C8orf34: variants seen among roughly 807,000 people sequenced by gnomAD.
C8orf34 encodes chromosome 8 open reading frame 34, also known as uncharacterized protein C8orf34.
In C8orf34, 65 loss-of-function variants were observed where a neutral mutation model predicts 68.3. The ratio of observed to expected loss-of-function variants is 0.95; its 90% confidence interval spans 0.78 to 1.17. The LOEUF is 1.17. Among genes scored for constraint, C8orf34 ranks in the 50% most tolerant of loss-of-function variants. The pLI, the probability that C8orf34 is intolerant of heterozygous loss-of-function variation, is 0.00. For missense variants in C8orf34, 664 were observed against 655.4 expected, an observed-to-expected ratio of 1.01 and a Z score of -0.14; for synonymous variants, 244 against 241.2, an observed-to-expected ratio of 1.01 and a Z score of -0.11.
At chr8:68,786,647 G>A (rs191738943) in intron 11 of C8orf34, among the ~76,000 whole-genome samples, 1 of 152,256 alleles carries the variant, frequency 6.6e-6, no homozygotes, top group African/African-American at 2.4e-5. Flanking sequence ...ATTATAGCTG[G>A]AGTGGTCAAG....
chr8:68,657,136 C>T (rs1213978392), intron 8 of C8orf34, among the ~76,000 whole-genome samples: 5 of 152,096 alleles, frequency 3.3e-5, no homozygotes, highest in Non-Finnish European at 7.4e-5. Flanking sequence ...CCTCATTCTG[C>T]CTGGAAGGAC....
chr8:68,449,536 C>T (rs985434372), intron 3 of C8orf34, among the ~76,000 whole-genome samples: 4 of 152,016 alleles, frequency 2.6e-5, no homozygotes, highest in Admixed American at 6.6e-5. Context: ...GGTTCAGTTC[C>T]AGGCCACTGC....
At chr8:68,615,680 G>T (rs544223504) in intron 7 of C8orf34, among the ~76,000 whole-genome samples, 229 of 152,280 alleles carry the variant, frequency 1.5e-3, no homozygotes, top group African/African-American at 5.3e-3. Flanking sequence ...TGTGCTGCTG[G>T]ATTTAGTTTG....
At chr8:68,644,616 G>A (rs1819110965) in intron 8 of C8orf34, among the ~76,000 whole-genome samples, 1 of 152,186 alleles carries the variant, frequency 6.6e-6, no homozygotes, top group Non-Finnish European at 1.5e-5. Flanking sequence ...AATGAATCAG[G>A]TCTGGAAGAA....
intron 12 of C8orf34, among the ~76,000 whole-genome samples, chr8:68,810,636 G>T (rs1020978485): frequency 1.2e-4 from 19 of 152,240 alleles, no homozygotes; most frequent in African/African-American, 4.6e-4. Context: ...GAAAAATGAG[G>T]TACGCATACA....
In C8orf34 at chr8:68,681,532, G is replaced by A. The variant is rs76952131; in HGVS notation, c.1242-27462G>A. On this transcript the variant is annotated intron_variant, in intron 8 of 13. Coordinates refer to ENST00000518698, the MANE Select transcript of C8orf34 (RefSeq NM_052958.4). ...AGCAACAGATGCTGGTGAGAATGTG[G>A]AGAAAAGGGAGCATTTGCACACTGT... Among the ~76,000 whole-genome samples the A allele has an allele frequency of 6.8e-4, 103 of 152,236 alleles. 1 individual carries two copies. In the East Asian group the frequency reaches 0.019, roughly 28 times the overall value.
chr8:68,653,031 T>C (rs1319830249), intron 8 of C8orf34, among the ~76,000 whole-genome samples: 1 of 152,218 alleles, frequency 6.6e-6, no homozygotes, highest in African/African-American at 2.4e-5. Flanking sequence ...CAGAAAATTC[T>C]TTTTCTACTA....
At chr8:68,545,194 T>G (rs1586353378) in intron 7 of C8orf34, among the ~76,000 whole-genome samples, 1 of 152,120 alleles carries the variant, frequency 6.6e-6, no homozygotes, top group South Asian at 2.1e-4. Flanking sequence ...TTCCCCATAC[T>G]GTTCCCGTGG....
intron 3 of C8orf34, among the ~76,000 whole-genome samples, chr8:68,463,952 CAGG>C (rs1811980429): frequency 6.6e-6 from 1 of 152,064 alleles, no homozygotes; most frequent in Non-Finnish European, 1.5e-5. Flanking sequence ...GGCAATTAGG[CAGG>C]AGAAGGAAAT....
intron 1 of C8orf34, among the ~76,000 whole-genome samples, chr8:68,374,345 C>T (rs1740869941): frequency 6.6e-6 from 1 of 151,950 alleles, no homozygotes; most frequent in South Asian, 2.1e-4. Flanking sequence ...AGCTTTTAAC[C>T]CTTCATATTC....
At chr8:68,561,143 G>C (rs946734171) in intron 7 of C8orf34, among the ~76,000 whole-genome samples, 1 of 151,028 alleles carries the variant, frequency 6.6e-6, no homozygotes. Context: ...CCACCACACC[G>C]GGCTAATTTT....
At chr8:68,420,006 A>G (rs952894408) in intron 1 of C8orf34, among the ~76,000 whole-genome samples, 12 of 151,676 alleles carry the variant, frequency 7.9e-5, no homozygotes, top group Non-Finnish European at 5.9e-5. Context: ...AAAAAGACAA[A>G]AAAAAAAGAA....
At chr8:68,572,234 G>GACACAC (rs36042681) in intron 7 of C8orf34, among the ~76,000 whole-genome samples, 15 of 145,314 alleles carry the variant, frequency 1.0e-4, no homozygotes, top group South Asian at 4.4e-4. Flanking sequence ...TGACTGTATA[G>GACACAC]ACACACACAC....
chr8:68,389,733 A>G (rs568492912), intron 1 of C8orf34, among the ~76,000 whole-genome samples: 1 of 152,188 alleles, frequency 6.6e-6, no homozygotes, highest in Non-Finnish European at 1.5e-5. Context: ...GCGAGCAAAT[A>G]AAAGAAGGTG....
chr8:68,789,420 CTTCTT>C (rs1017471869), intron 12 of C8orf34, among the ~76,000 whole-genome samples: 1 of 152,134 alleles, frequency 6.6e-6, no homozygotes, highest in African/African-American at 2.4e-5. Flanking sequence ...CAAATTTAGT[CTTCTT>C]TTCTTTTCCT....
chr8:68,668,165 T>G (rs1352453608), intron 8 of C8orf34, among the ~76,000 whole-genome samples: 1 of 152,118 alleles, frequency 6.6e-6, no homozygotes, highest in Non-Finnish European at 1.5e-5. Context: ...GCTACTACAT[T>G]TAACCTTAAA....
chr8:68,391,164 CAT>C (rs1808464799), intron 1 of C8orf34, among the ~76,000 whole-genome samples: 1 of 152,034 alleles, frequency 6.6e-6, no homozygotes, highest in Non-Finnish European at 1.5e-5. Flanking sequence ...TTACTTACTC[CAT>C]GAGTAGTAAG....
chr8:68,348,030 T>G (rs1284118945), intron 1 of C8orf34, among the ~76,000 whole-genome samples: 2 of 152,096 alleles, frequency 1.3e-5, no homozygotes, highest in Admixed American at 6.6e-5. Flanking sequence ...TTATGAAATC[T>G]TTGCCCATTC....
At chr8:68,600,488 T>A (rs1353535538) in intron 7 of C8orf34, among the ~76,000 whole-genome samples, 1 of 152,160 alleles carries the variant, frequency 6.6e-6, no homozygotes, top group East Asian at 1.9e-4. Context: ...ATAAATCTCT[T>A]TAGCCATTCT....
Sources: allele counts gnomAD v4.1 joint callset (sites outside exome capture counted in the v4.1 genomes callset), GRCh38; gene constraint gnomAD v4.1.1; transcripts MANE v1.5; gene names NCBI Gene and HGNC (gene_info 2026-07-23, HGNC 2026-07-21).